The following SLC68A1 variants were observed in gnomAD, a reference collection of about 807,000 sequenced individuals.
The protein encoded by SLC68A1 is major facilitator superfamily domain containing 13A.
the SLC68A1 span, chr10:102,476,497 A>G: frequency 1.2e-5 from 12 of 985,586 alleles, no homozygotes; most frequent in Non-Finnish European, 1.4e-5. Flanking sequence ...GAGCCACCGC[A>G]CTCGGCCAGG....
At chr10:102,467,084 C>A in the SLC68A1 span, among the ~76,000 whole-genome samples, 1 of 152,228 alleles carries the variant, frequency 6.6e-6, no homozygotes, top group Non-Finnish European at 1.5e-5. Flanking sequence ...GTCGCCCAGG[C>A]TGAAGTGTAG....
the SLC68A1 span, chr10:102,471,912 CT>C: frequency 2.6e-6 from 1 of 382,066 alleles, no homozygotes. Context: ...TTAGGCAGGT[CT>C]CAGGCTCTCT....
At chr10:102,468,845 AAGT>A in the SLC68A1 span, 1 of 581,512 alleles carries the variant, frequency 1.7e-6, no homozygotes, top group Non-Finnish European at 3.1e-6. Flanking sequence ...GCGCTGTTGT[AAGT>A]ACAAACTCTC....
At chr10:102,470,158 G>A in the SLC68A1 span, 1 of 1,312,024 alleles carries the variant, frequency 7.6e-7, no homozygotes, top group East Asian at 2.4e-5. Context: ...CTGTGTTTGG[G>A]GTGGGGAAGG....
At chr10:102,472,252 T>C in the SLC68A1 span, 19 of 290,448 alleles carry the variant, frequency 6.5e-5, no homozygotes, top group Non-Finnish European at 1.3e-4. Flanking sequence ...GTTATGAAAT[T>C]TGTTTCACTA....
At chr10:102,471,609 T>C in the SLC68A1 span, among the ~76,000 whole-genome samples, 1 of 151,958 alleles carries the variant, frequency 6.6e-6, no homozygotes, top group African/African-American at 2.4e-5. Context: ...AAAAATTAGC[T>C]GGGCGTGGTG....
chr10:102,470,689 G>A, the SLC68A1 span: 1 of 1,612,006 alleles, frequency 6.2e-7, no homozygotes, highest in Non-Finnish European at 8.5e-7. Flanking sequence ...TCTCCTCAAG[G>A]GCTGTGGTGC....
the SLC68A1 span, chr10:102,470,932 C>T: frequency 4.1e-5 from 66 of 1,613,276 alleles, no homozygotes; most frequent in African/African-American, 8.4e-4. Flanking sequence ...GCGCGGCCGG[C>T]TCCCTCTCTG....
At chr10:102,465,530 A>G in the SLC68A1 span, among the ~76,000 whole-genome samples, 4 of 152,160 alleles carry the variant, frequency 2.6e-5, no homozygotes, top group African/African-American at 9.7e-5. Flanking sequence ...AGAGGTTGAC[A>G]TTAACATCCC....
the SLC68A1 span, chr10:102,476,495 G>A: frequency 2.7e-5 from 27 of 985,782 alleles, no homozygotes; most frequent in South Asian, 4.7e-5. Context: ...ATGAGCCACC[G>A]CACTCGGCCA....
the SLC68A1 span, chr10:102,474,141 C>G: frequency 1.1e-6 from 1 of 897,354 alleles, no homozygotes; most frequent in Non-Finnish European, 1.6e-6. Flanking sequence ...CTCAACATGG[C>G]TAGAGTCACT....
chr10:102,473,858 C>G, the SLC68A1 span: 7 of 1,613,872 alleles, frequency 4.3e-6, no homozygotes, highest in Non-Finnish European at 5.9e-6. Context: ...AGCTGCTGAC[C>G]TTGGTGGTCA....
the SLC68A1 span, chr10:102,471,089 G>T: frequency 3.7e-6 from 6 of 1,613,824 alleles, no homozygotes; most frequent in Non-Finnish European, 5.1e-6. Context: ...AAAGGACCCA[G>T]GGTGCTCAGG....
the SLC68A1 span, chr10:102,475,894 G>A: frequency 6.2e-7 from 1 of 1,613,894 alleles, no homozygotes; most frequent in Non-Finnish European, 8.5e-7. Context: ...CCTGGTCCCA[G>A]TTCACGCTGC....
the SLC68A1 span, chr10:102,469,851 A>G: frequency 7.1e-7 from 1 of 1,417,420 alleles, no homozygotes; most frequent in Non-Finnish European, 9.2e-7. Context: ...AGTGGGTTTT[A>G]GCAGAGGAAC....
the SLC68A1 span, among the ~76,000 whole-genome samples, chr10:102,467,970 T>TTTTA: frequency 6.6e-6 from 1 of 152,090 alleles, no homozygotes; most frequent in African/African-American, 2.4e-5. Context: ...TCTCAGGGTT[T>TTTTA]TTATAAGCAT....
chr10:102,475,827 G>A, the SLC68A1 span: 1 of 1,614,042 alleles, frequency 6.2e-7, no homozygotes. Context: ...CTCCGCCAGG[G>A]CTGCTTCTAC....
the SLC68A1 span, among the ~76,000 whole-genome samples, chr10:102,466,482 CAA>C: frequency 0.028 from 2,781 of 100,648 alleles, 45 homozygotes; most frequent in African/African-American, 0.087. Flanking sequence ...GACTCCACCT[CAA>C]AAAAAAAAAA....
chr10:102,466,554 G>T, the SLC68A1 span, among the ~76,000 whole-genome samples: 2 of 151,994 alleles, frequency 1.3e-5, no homozygotes, highest in Admixed American at 6.6e-5. Context: ...GGCCCAGAAG[G>T]GTTGAATTGC....
Sources: gnomAD v4.1 joint callset for allele counts (sites outside exome capture counted in the v4.1 genomes callset) on GRCh38, gnomAD v4.1.1 for gene constraint, MANE v1.5 for transcripts, NCBI Gene and HGNC (gene_info 2026-07-23, HGNC 2026-07-21) for gene names.